The following SCAF8 variants were observed in gnomAD, a reference collection of about 807,000 sequenced individuals.
The protein encoded by SCAF8 is SR-related CTD associated factor 8, also known as SR-related and CTD-associated factor 8.
Under a neutral mutation model 140.5 loss-of-function variants are expected in SCAF8, and 23 were observed. That is an observed-to-expected ratio of 0.16 (90% CI 0.12 to 0.23). The LOEUF is 0.23. Among genes scored for constraint, SCAF8 ranks in the 10% least tolerant of loss-of-function variants. The pLI, the probability that SCAF8 is intolerant of heterozygous loss-of-function variation, is 1.00. For missense variants in SCAF8, 1,397 were observed against 1,555.7 expected, an observed-to-expected ratio of 0.90 and a Z score of 1.72; for synonymous variants, 575 against 528.9, an observed-to-expected ratio of 1.09 and a Z score of -1.20.
At position 154,806,109 on chromosome 6, in the gene SCAF8, C is replaced by A. The variant is rs149262887; in HGVS notation, c.981+623C>A. ...TATATATTATCTGACTCAAGATGTG[C>A]GGTTATTTTATGCATAGCTAAGAAT... On this transcript the variant is annotated intron_variant, in intron 9 of 19. Transcript: ENST00000367178. 2.0e-3 allele frequency among the ~76,000 whole-genome samples: 297 copies of A among 152,180 alleles called. 1 individual carries two copies. Among genetic ancestry groups the A allele is most frequent in the African/African-American group, 6.7e-3 (277 of 41,512 alleles).
chr6:154,806,447 GTTAC>G (rs1390329762), intron 9 of SCAF8, among the ~76,000 whole-genome samples: 1 of 152,110 alleles, frequency 6.6e-6, no homozygotes, highest in African/African-American at 2.4e-5. Flanking sequence ...TTGAGTATGT[GTTAC>G]TTGTTAGGCA....
chr6:154,738,144 C>T (rs978670668), intron 1 of SCAF8, among the ~76,000 whole-genome samples: 4 of 150,904 alleles, frequency 2.7e-5, no homozygotes, highest in Non-Finnish European at 5.9e-5. Context: ...ATTACTGCAC[C>T]TGTGAATAGC....
chr6:154,771,170 A>G (rs1776755599), intron 1 of SCAF8, among the ~76,000 whole-genome samples: 1 of 152,274 alleles, frequency 6.6e-6, no homozygotes, highest in Admixed American at 6.5e-5. Flanking sequence ...TAATCATACA[A>G]GTAAACATCA....
chr6:154,822,142 A>AC (rs1583066813), intron 15 of SCAF8, 134 bp from the exon 16 acceptor site: 2 of 824,030 alleles, frequency 2.4e-6, no homozygotes, highest in African/African-American at 3.4e-5. Flanking sequence ...CTAGAGTGGC[A>AC]CCTACGGTTG....
At chr6:154,820,455 A>G (rs571479684) in intron 15 of SCAF8, 122 bp downstream of exon 15, 2 of 751,212 alleles carry the variant, frequency 2.7e-6, no homozygotes, top group Non-Finnish European at 4.3e-6. Flanking sequence ...AAAAGAGAAA[A>G]GATACATTAC....
At chr6:154,744,284 T>C (rs1432495959) in intron 1 of SCAF8, among the ~76,000 whole-genome samples, 3 of 152,098 alleles carry the variant, frequency 2.0e-5, no homozygotes, top group Non-Finnish European at 4.4e-5. Context: ...AGAGCAAGAC[T>C]CTGGCTGGGT....
In SCAF8 at chr6:154,762,898, T is replaced by C. The variant is rs531544487; in HGVS notation, c.31-11091T>C. 3.2e-4 allele frequency among the ~76,000 whole-genome samples: 48 copies of C among 152,332 alleles called. 1 individual carries two copies. The South Asian group carries it at 9.3e-3, about 30-fold the overall frequency. Reference sequence around the variant, plus strand: ...TAATTTTATATTGCTGTTTCTGGAATGGTCAGTTTTAGACATTATTTATTG... The same window carrying C: ...TAATTTTATATTGCTGTTTCTGGAACGGTCAGTTTTAGACATTATTTATTG... On this transcript the variant is annotated intron_variant, in intron 1 of 19. Transcript: ENST00000367178.
chr6:154,815,732 C>G lies in SCAF8; in HGVS notation c.1437C>G (p.Leu479=). ...SKTLSVCSTT[L]WVGQVDKKAT... is the part of the protein sequence containing the mutation. ...TCTTGACAGTATGTAGTACTACTCT[C>G]TGGGTTGGGCAAGTGGACAAGAAGG... The change falls in exon 13 of 20, where the codon CTC becomes CTG. Residue 479 remains leucine (L), a synonymous_variant. Coordinates refer to ENST00000367178, the MANE Select transcript of SCAF8 (RefSeq NM_014892.5). 3 of 1,610,388 alleles carry G rather than the reference C, an allele frequency of 1.9e-6. No homozygotes were observed. The highest frequency in any genetic ancestry group is 2.2e-5 in the South Asian group (2 of 90,974).
chr6:154,815,727 A>G lies in SCAF8; in HGVS notation c.1432A>G (p.Thr478Ala). The G allele has an allele frequency of 6.2e-7, 1 of 1,606,664 alleles. No homozygotes were observed. The highest frequency in any genetic ancestry group is 1.3e-5 in the African/African-American group (1 of 74,888). ...RSKTLSVCSTTLWVGQVDKKA... is the reference protein window; with the variant it reads ...RSKTLSVCSTALWVGQVDKKA... ...TTGTGTCTTGACAGTATGTAGTACT[A>G]CTCTCTGGGTTGGGCAAGTGGACAA... Residue 478 changes from threonine to alanine, a missense_variant, in exon 13 of 20, where the codon ACT becomes GCT. Around this residue, in one of 5 missense-constraint regions of SCAF8, gnomAD observed 339 missense variants for 407.5 expected, o/e 0.83. Transcript: ENST00000367178.
At chr6:154,768,803 C>T (rs1433736998) in intron 1 of SCAF8, among the ~76,000 whole-genome samples, 1 of 152,186 alleles carries the variant, frequency 6.6e-6, no homozygotes, top group Non-Finnish European at 1.5e-5. Context: ...TGGCTCACGC[C>T]TGTAATCCCA....
At chr6:154,824,205 G>C (rs1238837683) in intron 16 of SCAF8, 29 bp from the exon 17 acceptor site, 2 of 1,609,490 alleles carry the variant, frequency 1.2e-6, no homozygotes, top group Non-Finnish European at 1.7e-6. Context: ...ATAAACTGAT[G>C]AGTGAACTTT....
chr6:154,786,116 A>G (rs183248735), intron 3 of SCAF8, among the ~76,000 whole-genome samples: 7 of 152,302 alleles, frequency 4.6e-5, no homozygotes, highest in Non-Finnish European at 1.5e-5. Flanking sequence ...GAGTTTTATT[A>G]TTACTCAAAT....
chr6:154,808,352 G>A (rs1298867521), intron 10 of SCAF8, 151 bp downstream of exon 10: 2 of 824,662 alleles, frequency 2.4e-6, no homozygotes, highest in Admixed American at 5.4e-5. Flanking sequence ...GCTTGTCCAA[G>A]GCCTAAGCAT....
intron 1 of SCAF8, among the ~76,000 whole-genome samples, chr6:154,741,561 C>T (rs1778568138): frequency 6.6e-6 from 1 of 152,112 alleles, no homozygotes; most frequent in South Asian, 2.1e-4. Context: ...CATGTACCAC[C>T]ACACCCGGCT....
chr6:154,770,486 C>T (rs1032911059), intron 1 of SCAF8, among the ~76,000 whole-genome samples: 1 of 151,412 alleles, frequency 6.6e-6, no homozygotes, highest in Non-Finnish European at 1.5e-5. Context: ...TAGGAGGACC[C>T]GTTGAGCCTG....
rs890756477 is a variant in SCAF8, at chr6:154,774,191, T to C, written c.114+119T>C. The stretch of plus-strand genomic sequence containing the variant: ...TTTCACTTTACAGTGTTAACACATA[T>C]TGTGGAAAAACACAAAAAAGAAAAT... On this transcript the variant is annotated intron_variant, in intron 2 of 19. Transcript: ENST00000367178. 57 of 703,946 alleles carry C rather than the reference T, an allele frequency of 8.1e-5. No individual in the cohort carries two copies. In the Middle Eastern group the frequency reaches 2.1e-3, roughly 25 times the overall value. 43.6% of individuals were successfully genotyped at this position (703,946 alleles called of 1,614,324 possible).
intron 3 of SCAF8, among the ~76,000 whole-genome samples, chr6:154,784,142 T>G (rs1777174796): frequency 1.1e-5 from 1 of 89,278 alleles, no homozygotes; most frequent in Non-Finnish European, 2.1e-5. Context: ...TATATATATA[T>G]ATATATATAT....
chr6:154,791,621 A>G (rs1350190440), intron 4 of SCAF8, among the ~76,000 whole-genome samples: 1 of 141,530 alleles, frequency 7.1e-6, no homozygotes, highest in East Asian at 2.6e-4. Context: ...TTTATAAATG[A>G]GGATGCTAAA....
At chr6:154,817,728 C>T (rs1778294246) in intron 13 of SCAF8, among the ~76,000 whole-genome samples, 1 of 152,102 alleles carries the variant, frequency 6.6e-6, no homozygotes, top group South Asian at 2.1e-4. Flanking sequence ...ACAGATATGG[C>T]TTATTAGGTA....
Sources: gnomAD v4.1 joint callset for allele counts (sites outside exome capture counted in the v4.1 genomes callset) on GRCh38, gnomAD v4.1.1 for gene constraint, gnomAD v4.1.1 regional missense constraint, MANE v1.5 for transcripts, NCBI Gene and HGNC (gene_info 2026-07-23, HGNC 2026-07-21) for gene names.